Variants in RREB1 observed in about 807,000 individuals in gnomAD.
RREB1 encodes ras-responsive element-binding protein 1.
RREB1 carries 27 observed loss-of-function variants against 117.8 expected under a neutral mutation model. That is an observed-to-expected ratio of 0.23 (90% CI 0.17 to 0.32). The LOEUF (loss-of-function observed/expected upper bound fraction) is 0.32, where lower values mean the gene tolerates loss of function less well. Among genes scored for constraint, RREB1 ranks in the 10% least tolerant of loss-of-function variants. The pLI, the probability that RREB1 is intolerant of heterozygous loss-of-function variation, is 1.00. For missense variants in RREB1, 2,577 were observed against 2,378.2 expected, an observed-to-expected ratio of 1.08 and a Z score of -1.74; for synonymous variants, 1,298 against 1,026.7, an observed-to-expected ratio of 1.26 and a Z score of -5.05.
intron 1 of RREB1, among the ~76,000 whole-genome samples, chr6:7,127,843 A>G (rs687467): frequency 0.67 from 101,106 of 151,590 alleles, 35,396 homozygotes; most frequent in Middle Eastern, 0.8. Context: ...CTGGGTCACG[A>G]CTCTGCCCCT....
intron 8 of RREB1, chr6:7,216,047 C>T (rs1403397513): frequency 6.6e-6 from 1 of 152,222 alleles, no homozygotes; most frequent in Non-Finnish European, 1.5e-5. Flanking sequence ...TAGATGGCCC[C>T]CTGATGAAAG....
At chr6:7,221,166 C>CT (rs57490974) in intron 8 of RREB1, among the ~76,000 whole-genome samples, 4,168 of 144,960 alleles carry the variant, frequency 0.029, 194 homozygotes, top group African/African-American at 0.094. Flanking sequence ...AAGTGTTTTT[C>CT]TTTTTTTTTT....
At chr6:7,219,253 G>A (rs187094689) in intron 8 of RREB1, among the ~76,000 whole-genome samples, 8 of 152,210 alleles carry the variant, frequency 5.3e-5, no homozygotes, top group African/African-American at 1.2e-4. Context: ...CTGGCTGACC[G>A]AGTGAGACGC....
At chr6:7,221,765 C>T (rs1325544324) in intron 8 of RREB1, among the ~76,000 whole-genome samples, 1 of 152,130 alleles carries the variant, frequency 6.6e-6, no homozygotes, top group African/African-American at 2.4e-5. Context: ...ACTTTTCTCC[C>T]CATGAGTTTT....
chr6:7,161,449 T>A (rs547011057), intron 1 of RREB1, among the ~76,000 whole-genome samples: 2 of 152,326 alleles, frequency 1.3e-5, no homozygotes, highest in African/African-American at 4.8e-5. Context: ...ATGGTTAGAC[T>A]TGACACAGAA....
intron 1 of RREB1, among the ~76,000 whole-genome samples, chr6:7,141,948 A>G (rs2113389092): frequency 6.6e-6 from 1 of 152,366 alleles, no homozygotes; most frequent in East Asian, 1.9e-4. Context: ...CCATAGGCTC[A>G]CGCTCGTAAT....
chr6:7,122,375 C>T (rs1360947863), intron 1 of RREB1, among the ~76,000 whole-genome samples: 8 of 152,250 alleles, frequency 5.3e-5, no homozygotes, highest in Admixed American at 4.6e-4. Flanking sequence ...CAGTGATCTT[C>T]CTACCTCAGC....
In RREB1 at chr6:7,231,775, C is replaced by T. The variant is rs770637203; in HGVS notation, c.3676C>T (p.Pro1226Ser). Residue 1226 changes from proline (P) to serine (S), a missense_variant, in exon 10 of 13, where the codon CCC (proline) becomes TCC (serine). Pro to Ser is a moderately conservative substitution (Grantham distance 74). Transcript: ENST00000379938. ...HGPSDEEQGSPPEDKLLRAKR... is the reference protein window; with the variant it reads ...HGPSDEEQGSSPEDKLLRAKR... ...GCCCAGTGATGAAGAGCAGGGCAGT[C>T]CCCCAGAAGACAAGCTGCTGAGGGC... is the stretch of plus-strand genomic sequence containing the variant. The T allele has an allele frequency of 6.2e-6, 10 of 1,613,796 alleles. No homozygotes were observed. The highest frequency in any genetic ancestry group is 5.5e-5 in the South Asian group (5 of 91,086).
chr6:7,188,375 C>T (rs570440693), intron 5 of RREB1, among the ~76,000 whole-genome samples: 2 of 151,992 alleles, frequency 1.3e-5, no homozygotes, highest in East Asian at 3.9e-4. Flanking sequence ...CTTAGCTTCC[C>T]AAGTAGCTGG....
chr6:7,220,577 G>A (rs1252967743), intron 8 of RREB1, among the ~76,000 whole-genome samples: 1 of 152,196 alleles, frequency 6.6e-6, no homozygotes, highest in Non-Finnish European at 1.5e-5. Context: ...AGCAAAGTTA[G>A]TTTCCATTTG....
At chr6:7,162,952 C>T (rs781471593) in intron 1 of RREB1, among the ~76,000 whole-genome samples, 25 of 152,026 alleles carry the variant, frequency 1.6e-4, no homozygotes, top group African/African-American at 5.3e-4. Context: ...TGGGCTCAGG[C>T]GATCCTCCCA....
At chr6:7,227,264 C>T (rs1440321262) in intron 9 of RREB1, among the ~76,000 whole-genome samples, 4 of 150,770 alleles carry the variant, frequency 2.7e-5, no homozygotes, top group African/African-American at 4.9e-5. Flanking sequence ...ATTTTAGGGC[C>T]GGGCGTGGTG....
In RREB1 at chr6:7,182,040, C is replaced by T. The variant is rs139982275; in HGVS notation, c.129C>T (p.Pro43=). 118 of 1,613,994 alleles carry T rather than the reference C, an allele frequency of 7.3e-5. No individual in the cohort carries two copies. The African/African-American group carries it at 1.4e-3, about 20-fold the overall frequency. Reference sequence around the variant, plus strand: ...GGAGCCCCCAGGGGATCAAGTCCCCCTCGAAGCCTCCAGGACCAAATCGGA... The same window carrying T: ...GGAGCCCCCAGGGGATCAAGTCCCCTTCGAAGCCTCCAGGACCAAATCGGA... The part of the protein sequence containing the change: ...NGGSPQGIKS[P]SKPPGPNRIG... The change falls in exon 4 of 13, where the codon CCC becomes CCT. Residue 43 remains proline, a synonymous_variant. Transcript: ENST00000379938.
chr6:7,122,845 A>T (rs1012719886), intron 1 of RREB1, among the ~76,000 whole-genome samples: 4 of 152,174 alleles, frequency 2.6e-5, no homozygotes, highest in African/African-American at 9.7e-5. Flanking sequence ...TTGCCTTGTC[A>T]TGAATATCCA....
chr6:7,246,369 A>T (rs938934099), intron 11 of RREB1, 55 bp from the exon 12 acceptor site: 7 of 1,404,242 alleles, frequency 5.0e-6, no homozygotes, highest in Non-Finnish European at 6.5e-6. Context: ...CATCCCTGGC[A>T]TGGGCGTACC....
At chr6:7,167,510 C>T (rs575070073) in intron 1 of RREB1, among the ~76,000 whole-genome samples, 103 of 152,210 alleles carry the variant, frequency 6.8e-4, no homozygotes, top group Non-Finnish European at 9.3e-4. Flanking sequence ...CCCGCCACCA[C>T]GCCCAGCTAA....
chr6:7,250,339 T>C lies in RREB1; in HGVS notation c.*1371T>C, dbSNP rs1769356998. Reference sequence around the variant, plus strand: ...GGTTTATATTTACCTTCCTGCGATGTGGGGTTGGTGCTTGAAGATAAATGT... The same window carrying C: ...GGTTTATATTTACCTTCCTGCGATGCGGGGTTGGTGCTTGAAGATAAATGT... On this transcript the variant is annotated 3_prime_UTR_variant, in exon 13 of 13. Coordinates refer to ENST00000379938, the MANE Select transcript of RREB1 (RefSeq NM_001003699.4). The C allele has an allele frequency of 6.6e-6, 1 of 152,218 alleles. No homozygotes were observed. The highest frequency in any genetic ancestry group is 2.1e-4 in the South Asian group (1 of 4,832). The allele number at this position is 152,218 out of a possible 1,614,324, so 9.4% of individuals were successfully genotyped here. A position where few individuals can be genotyped will look rare whatever the true frequency, so the allele number is the denominator to read the frequency against.
In RREB1 at chr6:7,230,442, C is replaced by T. The variant is rs45519731; in HGVS notation, c.2343C>T (p.Gly781=). The change falls in exon 10 of 13, where the codon GGC becomes GGT. Residue 781 remains glycine, a synonymous_variant. Coordinates refer to ENST00000379938, the MANE Select transcript of RREB1 (RefSeq NM_001003699.4). ...HMRTHCGRGL[G]GGHKGRKPFE... ...GCACGCACTGCGGCCGCGGCCTGGG[C>T]GGGGGCCACAAGGGCCGCAAGCCCT... The T allele has an allele frequency of 3.6e-3, 5,746 of 1,591,604 alleles. 159 individuals carry two copies. In the African/African-American group the frequency reaches 0.063, roughly 17 times the overall value.
intron 6 of RREB1, 76 bp from the exon 7 acceptor site, chr6:7,210,728 A>G: frequency 2.9e-6 from 4 of 1,387,744 alleles, no homozygotes; most frequent in Admixed American, 2.2e-5. Flanking sequence ...ACCAGTGCCT[A>G]AATATAAAAT....
Sources: allele counts gnomAD v4.1 joint callset (sites outside exome capture counted in the v4.1 genomes callset), GRCh38; gene constraint gnomAD v4.1.1; transcripts MANE v1.5; gene names NCBI Gene and HGNC (gene_info 2026-07-23, HGNC 2026-07-21).